SH3BGRL: variants seen among roughly 807,000 people sequenced by gnomAD.
The protein encoded by SH3BGRL is SH3 domain binding glutamate rich protein like, also known as adapter SH3BGRL.
Under a neutral mutation model 9.8 loss-of-function variants are expected in SH3BGRL, and 7 were observed. That is an observed-to-expected ratio of 0.72 (90% CI 0.41 to 1.35). The LOEUF (loss-of-function observed/expected upper bound fraction) is 1.35, where lower values mean the gene tolerates loss of function less well. SH3BGRL is among the 40% of genes most tolerant of loss of function. SH3BGRL has a pLI of 0.01. For missense variants in SH3BGRL, 73 were observed against 84.4 expected (o/e 0.86, Z 0.53); for synonymous variants, 36 against 29.1 (o/e 1.24, Z -0.76).
chrX:81,258,568 C>T (rs1471617102), intron 1 of SH3BGRL, among the ~76,000 whole-genome samples: 2 of 112,257 alleles, frequency 1.8e-5, no homozygotes, highest in African/African-American at 6.5e-5. Flanking sequence ...ACTGGAAAGA[C>T]AATATCTTAA....
rs756869278 is a variant in SH3BGRL at position 81,286,625 on chromosome X, T to G, written c.312+8214T>G. 4.5e-5 allele frequency among the ~76,000 whole-genome samples: 5 copies of G among 109,925 alleles called. No homozygotes were observed. In the South Asian group the frequency reaches 2.0e-3, roughly 43 times the overall value. On this transcript the variant is annotated intron_variant, in intron 3 of 3. Coordinates refer to ENST00000373212, the MANE Select transcript of SH3BGRL (RefSeq NM_003022.3). ...TCATTTTATCTTTCCACCATCCCTT[T>G]AGGATAGATATAATTAGAAGCACTT...
intron 1 of SH3BGRL, among the ~76,000 whole-genome samples, chrX:81,247,967 C>G (rs1380417708): frequency 9.3e-6 from 1 of 107,249 alleles, no homozygotes; most frequent in South Asian, 4.2e-4. Flanking sequence ...TTTTAAATTA[C>G]TGCTTCAATT....
chrX:81,293,618 G>A lies in SH3BGRL; in HGVS notation c.313-3577G>A, dbSNP rs561111349. 2.9e-4 allele frequency among the ~76,000 whole-genome samples: 32 copies of A among 112,236 alleles called. 1 individual carries two copies. The South Asian group carries it at 0.012, about 42-fold the overall frequency. ...GGATCACTTGAATCAGGGAGGTGGA[G>A]GTTGCAGTGAGCTGAGATTGCACCA... On this transcript the variant is annotated intron_variant, in intron 3 of 3. Coordinates refer to ENST00000373212, the MANE Select transcript of SH3BGRL (RefSeq NM_003022.3).
chrX:81,279,566 A>G (rs1262792649), intron 3 of SH3BGRL, among the ~76,000 whole-genome samples: 1 of 111,359 alleles, frequency 9.0e-6, no homozygotes, highest in African/African-American at 3.3e-5. Context: ...AGATACCCTC[A>G]CTGGAGAAAC....
intron 1 of SH3BGRL, among the ~76,000 whole-genome samples, chrX:81,218,020 T>C (rs1056757775): frequency 1.8e-5 from 2 of 111,418 alleles, no homozygotes; most frequent in African/African-American, 6.5e-5. Context: ...TTTGTCTTTT[T>C]TCACTTTTGT....
In SH3BGRL at chrX:81,238,792, CAGAGAGAG is replaced by C. The variant is rs766291990; in HGVS notation, c.45+36574_45+36581del. ...GTTCCTACCTTTGGGTAGTGCAGAA[CAGAGAGAG>C]AGAGAGAGAGAGAGAGAGAGAGAGA... On this transcript the variant is annotated intron_variant, in intron 1 of 3. Coordinates refer to ENST00000373212, the MANE Select transcript of SH3BGRL (RefSeq NM_003022.3). Among the ~76,000 whole-genome samples, 17 of 91,453 alleles carry C rather than the reference CAGAGAGAG, an allele frequency of 1.9e-4. No individual in the cohort carries two copies. The South Asian group carries it at 1.9e-3, about 10-fold the overall frequency. The allele number at this position is 91,453 out of a possible 115,157, so 79.4% of individuals were successfully genotyped here.
chrX:81,221,275 G>A (rs1467053675), intron 1 of SH3BGRL, among the ~76,000 whole-genome samples: 3 of 111,227 alleles, frequency 2.7e-5, no homozygotes, highest in East Asian at 5.7e-4. Flanking sequence ...AATAATTTTT[G>A]CCTTATATAT....
At chrX:81,220,112 C>T (rs1215544251) in intron 1 of SH3BGRL, among the ~76,000 whole-genome samples, 3 of 110,916 alleles carry the variant, frequency 2.7e-5, no homozygotes, top group African/African-American at 9.8e-5. Context: ...AGTTTTGGTA[C>T]CAGTGTACTA....
At chrX:81,270,165 A>G (rs1429706348) in intron 1 of SH3BGRL, among the ~76,000 whole-genome samples, 1 of 110,925 alleles carries the variant, frequency 9.0e-6, no homozygotes, top group Admixed American at 9.6e-5. Flanking sequence ...GGGCTAAAAC[A>G]TGCTCCTTTA....
intron 3 of SH3BGRL, among the ~76,000 whole-genome samples, chrX:81,284,712 T>C (rs1467479830): frequency 9.1e-6 from 1 of 109,944 alleles, no homozygotes; most frequent in Non-Finnish European, 1.9e-5. Context: ...CCGCAAGGAG[T>C]GAGGGGAAAT....
At chrX:81,239,304 CT>C (rs775510728) in intron 1 of SH3BGRL, among the ~76,000 whole-genome samples, 15 of 111,749 alleles carry the variant, frequency 1.3e-4, no homozygotes, top group Non-Finnish European at 2.8e-4. Flanking sequence ...ATTCAGAATT[CT>C]ATCATATAAA....
intron 1 of SH3BGRL, among the ~76,000 whole-genome samples, chrX:81,249,160 T>C (rs11798144): frequency 0.18 from 19,829 of 111,951 alleles, 1,657 homozygotes; most frequent in East Asian, 0.69. Flanking sequence ...CTATCTTTAT[T>C]GCTCTTCCTC....
chrX:81,289,012 C>T (rs1421323548), intron 3 of SH3BGRL, among the ~76,000 whole-genome samples: 1 of 112,070 alleles, frequency 8.9e-6, no homozygotes, highest in Non-Finnish European at 1.9e-5. Flanking sequence ...ATCACATTAC[C>T]TGACTTCCAA....
chrX:81,216,176 G>GT (rs758552068), intron 1 of SH3BGRL, among the ~76,000 whole-genome samples: 7 of 110,233 alleles, frequency 6.4e-5, no homozygotes, highest in Non-Finnish European at 1.1e-4. Context: ...TGCTCTCCTT[G>GT]TTTTTTTTCC....
chrX:81,223,171 T>G (rs1946113556), intron 1 of SH3BGRL, among the ~76,000 whole-genome samples: 1 of 111,634 alleles, frequency 9.0e-6, no homozygotes, highest in African/African-American at 3.3e-5. Context: ...AGAAGCTCTT[T>G]AGTTTAATTA....
intron 1 of SH3BGRL, among the ~76,000 whole-genome samples, chrX:81,276,121 G>A (rs944947070): frequency 1.8e-5 from 2 of 110,640 alleles, no homozygotes; most frequent in Non-Finnish European, 3.8e-5. Context: ...TTAAATAGGG[G>A]TTAATTACCA....
intron 1 of SH3BGRL, among the ~76,000 whole-genome samples, chrX:81,257,893 G>C (rs1366796657): frequency 9.1e-6 from 1 of 110,396 alleles, no homozygotes; most frequent in Admixed American, 9.7e-5. Context: ...CAACATCTAT[G>C]AATTGATTTT....
intron 3 of SH3BGRL, among the ~76,000 whole-genome samples, chrX:81,291,808 A>G (rs901935602): frequency 1.8e-5 from 2 of 112,210 alleles, no homozygotes; most frequent in African/African-American, 6.5e-5. Context: ...CAAAACTGAC[A>G]AAATTGCTCT....
At chrX:81,204,538 T>G (rs2075539843) in intron 1 of SH3BGRL, among the ~76,000 whole-genome samples, 1 of 111,619 alleles carries the variant, frequency 9.0e-6, no homozygotes, top group Admixed American at 9.5e-5. Flanking sequence ...AAAGCTTCTT[T>G]GCTTTGGATT....
Sources: allele counts gnomAD v4.1 joint callset (sites outside exome capture counted in the v4.1 genomes callset), GRCh38; gene constraint gnomAD v4.1.1; transcripts MANE v1.5; gene names NCBI Gene and HGNC (gene_info 2026-07-23, HGNC 2026-07-21).